The following PDS5B variants were observed in gnomAD, a reference collection of about 807,000 sequenced individuals.
PDS5B encodes sister chromatid cohesion protein PDS5 homolog B.
PDS5B carries 51 observed loss-of-function variants against 184.1 expected under a neutral mutation model. That is an observed-to-expected ratio of 0.28 (90% CI 0.22 to 0.35). The LOEUF (loss-of-function observed/expected upper bound fraction) is 0.35. Ranked by LOEUF, PDS5B falls within the 10% of genes least tolerant of loss-of-function variation. The pLI, the probability that PDS5B is intolerant of heterozygous loss-of-function variation, is 1.00. For missense variants in PDS5B, 1,180 were observed against 1,723.3 expected, an observed-to-expected ratio of 0.68 and a Z score of 5.58; for synonymous variants, 566 against 569.2, an observed-to-expected ratio of 0.99 and a Z score of 0.08.
intron 1 of PDS5B, among the ~76,000 whole-genome samples, chr13:32,629,125 C>A (rs147503856): frequency 2.6e-5 from 4 of 152,292 alleles, no homozygotes; most frequent in Non-Finnish European, 4.4e-5. Context: ...TATTGGAATA[C>A]CCATCACTCA....
chr13:32,662,561 C>G (rs1401419210), intron 6 of PDS5B, among the ~76,000 whole-genome samples: 3 of 152,010 alleles, frequency 2.0e-5, no homozygotes, highest in Admixed American at 2.0e-4. Flanking sequence ...AAACACAAAA[C>G]CACTAATAGC....
intron 10 of PDS5B, among the ~76,000 whole-genome samples, chr13:32,680,696 C>G (rs1297319458): frequency 6.6e-6 from 1 of 152,222 alleles, no homozygotes; most frequent in African/African-American, 2.4e-5. Context: ...CCAGTCCTTC[C>G]TTCTCTTCCT....
intron 6 of PDS5B, among the ~76,000 whole-genome samples, chr13:32,666,809 A>G (rs561676759): frequency 1.3e-5 from 2 of 152,332 alleles, no homozygotes; most frequent in African/African-American, 2.4e-5. Context: ...AGAAACATCT[A>G]TAATTGATGA....
At chr13:32,676,913 A>G (rs983645878) in intron 9 of PDS5B, among the ~76,000 whole-genome samples, 3 of 138,088 alleles carry the variant, frequency 2.2e-5, no homozygotes, top group Non-Finnish European at 3.1e-5. Flanking sequence ...CCTGGGCGAC[A>G]GAGCGAGACT....
At chr13:32,634,953 A>G (rs1296971285) in intron 1 of PDS5B, among the ~76,000 whole-genome samples, 2 of 151,458 alleles carry the variant, frequency 1.3e-5, no homozygotes, top group East Asian at 3.9e-4. Context: ...CCCATAAAAT[A>G]TGAGGGTTCC....
intron 9 of PDS5B, among the ~76,000 whole-genome samples, chr13:32,677,153 A>G (rs891768881): frequency 6.6e-6 from 1 of 152,140 alleles, no homozygotes; most frequent in Non-Finnish European, 1.5e-5. Context: ...TGATTTCTTG[A>G]TTCTTATTTA....
At position 32,755,910 on chromosome 13, in the gene PDS5B, G is replaced by T; in HGVS notation, c.3010G>T (p.Asp1004Tyr). The T allele has an allele frequency of 6.3e-7, 1 of 1,587,190 alleles. No homozygotes were observed. The highest frequency in any genetic ancestry group is 8.6e-7 in the Non-Finnish European group (1 of 1,159,708). ...AATTCACCTTTTGGCACATGACCCA[G>T]ATTATGTCAAAGTACAGGATATTGA... Reference protein sequence around the residue: ...YTIHLLAHDPDYVKVQDIEQL... With the variant: ...YTIHLLAHDPYYVKVQDIEQL... Residue 1004 changes from aspartate to tyrosine, a missense_variant, in exon 26 of 35, where the codon GAT becomes TAT. Transcript: ENST00000315596.
At chr13:32,630,341 C>T (rs2058435487) in intron 1 of PDS5B, among the ~76,000 whole-genome samples, 1 of 152,102 alleles carries the variant, frequency 6.6e-6, no homozygotes, top group Non-Finnish European at 1.5e-5. Context: ...CTGCAGGGGA[C>T]ACTTGGCAAT....
At chr13:32,721,796 A>G (rs1254733872) in intron 19 of PDS5B, among the ~76,000 whole-genome samples, 1 of 143,658 alleles carries the variant, frequency 7.0e-6, no homozygotes, top group Non-Finnish European at 1.5e-5. Flanking sequence ...ATCCCAGACA[A>G]TGGGCAGCCA....
At position 32,721,699 on chromosome 13, in the gene PDS5B, C is replaced by T. The variant is rs1440145292; in HGVS notation, c.2124-10402C>T. Among the ~76,000 whole-genome samples the T allele has an allele frequency of 9.6e-5, 14 of 146,186 alleles. No individual in the cohort carries two copies. In the East Asian group the frequency reaches 1.0e-3, roughly 11 times the overall value. On this transcript the variant is annotated intron_variant, in intron 19 of 34. Coordinates refer to ENST00000315596, the MANE Select transcript of PDS5B (RefSeq NM_015032.4). ...CAGATAGTGGGCGGCCAGGCAGAGA[C>T]GCTCCTCAATTCTTAGACAGGATGA...
At position 32,696,866 on chromosome 13, in the gene PDS5B, G is replaced by A. The variant is rs1216586901; in HGVS notation, c.1564G>A (p.Val522Ile). ...GTGTGATTTACAGACAGATGCCAGT[G>A]TCAAGGCCATATTTTCAAAAGTGAT... ...LIKQPKTDAS[V>I]KAIFSKVMVI... The change falls in exon 15 of 35, where the codon GTC (valine) becomes ATC (isoleucine). Residue 522 changes from valine (V) to isoleucine (I), a missense_variant. Physicochemically the swap from Val to Ile is conservative, Grantham distance 29. Around this residue, in one of 11 missense-constraint regions of PDS5B, gnomAD observed 475 missense variants for 691.5 expected, o/e 0.69. Transcript: ENST00000315596. 2.5e-6 allele frequency: 4 copies of A among 1,596,754 alleles called. No individual in the cohort carries two copies. The African/African-American group carries it at 5.4e-5, about 21-fold the overall frequency.
intron 30 of PDS5B, chr13:32,763,548 C>A (rs889620572): frequency 6.6e-6 from 1 of 151,910 alleles, no homozygotes; most frequent in African/African-American, 2.4e-5. Flanking sequence ...GCCTTTCGAC[C>A]ACCCTCAGAT....
At chr13:32,745,487 T>C (rs554806782) in intron 23 of PDS5B, among the ~76,000 whole-genome samples, 1 of 152,356 alleles carries the variant, frequency 6.6e-6, no homozygotes, top group East Asian at 1.9e-4. Context: ...GAGCATAATA[T>C]GGTGTTCAGT....
intron 25 of PDS5B, 94 bp from the exon 26 acceptor site, chr13:32,755,748 A>G (rs1593613882): frequency 1.7e-6 from 1 of 589,172 alleles, no homozygotes; most frequent in Non-Finnish European, 3.0e-6. Flanking sequence ...AGAGTATGTA[A>G]GATTTGGTTT....
At chr13:32,757,130 TA>T (rs879507407) in intron 26 of PDS5B, among the ~76,000 whole-genome samples, 6,735 of 142,568 alleles carry the variant, frequency 0.047, 207 homozygotes, top group African/African-American at 0.092. Context: ...CTGTCTCTAT[TA>T]AAAAAAAAAA....
chr13:32,773,055 G>GAA, intron 33 of PDS5B, 134 bp from the exon 34 acceptor site: 1 of 680,134 alleles, frequency 1.5e-6, no homozygotes, highest in South Asian at 2.4e-5. Context: ...GAATATTAAA[G>GAA]AAATGTTCTT....
chr13:32,753,831 C>G (rs1954073590), intron 25 of PDS5B, among the ~76,000 whole-genome samples: 1 of 152,030 alleles, frequency 6.6e-6, no homozygotes, highest in Non-Finnish European at 1.5e-5. Flanking sequence ...ATAGATTGAG[C>G]ATTATCTTAT....
At chr13:32,748,566 G>A (rs1953847385) in intron 24 of PDS5B, among the ~76,000 whole-genome samples, 1 of 151,018 alleles carries the variant, frequency 6.6e-6, no homozygotes, top group Non-Finnish European at 1.5e-5. Flanking sequence ...CTATGTAAGT[G>A]ACTATTACAT....
intron 21 of PDS5B, among the ~76,000 whole-genome samples, chr13:32,740,697 T>A (rs909797112): frequency 2.6e-5 from 4 of 152,074 alleles, no homozygotes; most frequent in African/African-American, 4.8e-5. Flanking sequence ...TTTTTTTTTT[T>A]ATACCTTTCT....
Sources: gnomAD v4.1 joint callset for allele counts (sites outside exome capture counted in the v4.1 genomes callset) on GRCh38, gnomAD v4.1.1 for gene constraint, gnomAD v4.1.1 regional missense constraint, MANE v1.5 for transcripts, NCBI Gene and HGNC (gene_info 2026-07-23, HGNC 2026-07-21) for gene names.